Variants in PCDH15 observed in about 807,000 individuals in gnomAD.
The protein encoded by PCDH15 is protocadherin-15.
PCDH15 carries 129 observed loss-of-function variants against 178.5 expected under a neutral mutation model. The ratio of observed to expected loss-of-function variants is 0.72; its 90% CI spans 0.63 to 0.84. The LOEUF (loss-of-function observed/expected upper bound fraction) is 0.84. Ranked by LOEUF, PCDH15 falls within the 40% of genes least tolerant of loss-of-function variation. The pLI is 0.00. For synonymous variants in PCDH15, 800 were observed against 732.0 expected (o/e 1.09, Z -1.50); for missense variants, 2,230 against 2,099.9 (o/e 1.06, Z -1.21).
chr10:54,427,277 T>G (rs1474268407), intron 3 of PCDH15, among the ~76,000 whole-genome samples: 2 of 135,040 alleles, frequency 1.5e-5, no homozygotes, highest in Non-Finnish European at 3.2e-5. Flanking sequence ...TGGTTTTTTT[T>G]TTTTTTTTTT....
chr10:54,908,250 T>C (rs1420903095), intron 2 of PCDH15, among the ~76,000 whole-genome samples: 1 of 152,174 alleles, frequency 6.6e-6, no homozygotes, highest in Non-Finnish European at 1.5e-5. Flanking sequence ...GGTTCAGTTA[T>C]AGTGCATAGC....
chr10:54,211,781 C>G (rs2051467067), intron 10 of PCDH15, among the ~76,000 whole-genome samples: 1 of 151,798 alleles, frequency 6.6e-6, no homozygotes, highest in Non-Finnish European at 1.5e-5. Context: ...GAAAGATTTA[C>G]TATAGAGGAG....
intron 2 of PCDH15, among the ~76,000 whole-genome samples, chr10:55,118,703 A>C (rs928298653): frequency 6.6e-6 from 1 of 152,192 alleles, no homozygotes; most frequent in Non-Finnish European, 1.5e-5. Flanking sequence ...CAATAGGTTA[A>C]GGGTGAAGCC....
chr10:54,654,938 G>C (rs994166799), intron 2 of PCDH15: 3 of 152,198 alleles, frequency 2.0e-5, no homozygotes, highest in African/African-American at 4.8e-5. Flanking sequence ...TAGGCCAGGA[G>C]CGGTGGCTCA....
At chr10:55,259,028 G>A (rs750462812) in intron 1 of PCDH15, among the ~76,000 whole-genome samples, 1 of 151,966 alleles carries the variant, frequency 6.6e-6, no homozygotes, top group African/African-American at 2.4e-5. Flanking sequence ...AATTTCAATT[G>A]GTCAGGCAGA....
intron 1 of PCDH15, among the ~76,000 whole-genome samples, chr10:54,735,532 C>T (rs966512629): frequency 6.8e-6 from 1 of 147,150 alleles, no homozygotes; most frequent in African/African-American, 2.5e-5. Context: ...ACCCAAAGGA[C>T]TATAAATCAT....
Position 55,589,728 on chromosome 10 carries a change from G to C in PCDH15, c.-156+37897C>G, listed in dbSNP as rs577953468. On this transcript the variant is annotated intron_variant, in intron 2 of 5. Transcript: ENST00000613346. ...CATGAAAAAATGCTCATCATCACTG[G>C]CCATCAGAGAAATGCAAATCAAAAC... 4.4e-3 allele frequency among the ~76,000 whole-genome samples: 663 copies of C among 150,266 alleles called. 3 individuals carry two copies. The highest frequency in any genetic ancestry group is 0.013 in the African/African-American group (532 of 41,222).
At chr10:55,375,111 C>T (rs1845588583) in intron 2 of PCDH15, among the ~76,000 whole-genome samples, 1 of 152,050 alleles carries the variant, frequency 6.6e-6, no homozygotes, top group Non-Finnish European at 1.5e-5. Flanking sequence ...GACAAATGAC[C>T]TCTTTTGGTA....
chr10:53,835,371 T>G (rs1225128513), intron 29 of PCDH15, among the ~76,000 whole-genome samples: 1 of 152,214 alleles, frequency 6.6e-6, no homozygotes, highest in Non-Finnish European at 1.5e-5. Flanking sequence ...TATTTTTAAA[T>G]TTTAATTAAA....
At chr10:55,561,841 G>T (rs2132099826) in intron 2 of PCDH15, among the ~76,000 whole-genome samples, 1 of 151,914 alleles carries the variant, frequency 6.6e-6, no homozygotes, top group South Asian at 2.1e-4. Context: ...AATAAGAAAA[G>T]AACCCAATAT....
chr10:55,499,381 A>T (rs1305811458), intron 2 of PCDH15, among the ~76,000 whole-genome samples: 1 of 147,690 alleles, frequency 6.8e-6, no homozygotes, highest in East Asian at 2.0e-4. Context: ...AATTTAAACT[A>T]TCTTCTTTTT....
chr10:55,279,882 G>C (rs1592044849), intron 1 of PCDH15, among the ~76,000 whole-genome samples: 1 of 152,056 alleles, frequency 6.6e-6, no homozygotes, highest in Non-Finnish European at 1.5e-5. Context: ...CACAGTTTTC[G>C]ATTTTCTATA....
chr10:55,546,852 T>A (rs902293414), intron 2 of PCDH15, among the ~76,000 whole-genome samples: 8 of 151,834 alleles, frequency 5.3e-5, no homozygotes, highest in South Asian at 4.2e-4. Context: ...AACAAGAAAA[T>A]TTTTGGGAGA....
chr10:54,449,158 C>A (rs1212305635), intron 3 of PCDH15, among the ~76,000 whole-genome samples: 1 of 151,702 alleles, frequency 6.6e-6, no homozygotes, highest in African/African-American at 2.4e-5. Context: ...CCCTTAACCC[C>A]ATTAAATACC....
intron 2 of PCDH15, among the ~76,000 whole-genome samples, chr10:55,128,368 T>C (rs11004745): frequency 0.23 from 34,349 of 151,878 alleles, 4,159 homozygotes; most frequent in South Asian, 0.34. Context: ...AGCCTGTTTG[T>C]TTTCTAGTAG....
chr10:55,070,659 A>G (rs1405007087), intron 2 of PCDH15, among the ~76,000 whole-genome samples: 1 of 152,134 alleles, frequency 6.6e-6, no homozygotes, highest in African/African-American at 2.4e-5. Flanking sequence ...TACCAGTACC[A>G]TGCTGTTTTG....
intron 3 of PCDH15, among the ~76,000 whole-genome samples, chr10:54,477,670 C>T (rs1271236656): frequency 2.0e-5 from 3 of 152,202 alleles, no homozygotes; most frequent in Non-Finnish European, 2.9e-5. Context: ...AATCTTGGCT[C>T]ACTGCAGCCT....
At chr10:55,179,803 G>A (rs1163277990) in intron 1 of PCDH15, among the ~76,000 whole-genome samples, 2 of 151,870 alleles carry the variant, frequency 1.3e-5, no homozygotes, top group Non-Finnish European at 2.9e-5. Context: ...TAAAAGAGCT[G>A]TAACACTCTC....
At chr10:53,886,977 C>T (rs1206028720) in intron 26 of PCDH15, among the ~76,000 whole-genome samples, 2 of 152,090 alleles carry the variant, frequency 1.3e-5, no homozygotes, top group Non-Finnish European at 2.9e-5. Flanking sequence ...TCTGTGCTTA[C>T]GTTTTTGAAG....
Sources: gnomAD v4.1 joint callset for allele counts (sites outside exome capture counted in the v4.1 genomes callset) on GRCh38, gnomAD v4.1.1 for gene constraint, MANE v1.5 for transcripts, NCBI Gene and HGNC (gene_info 2026-07-23, HGNC 2026-07-21) for gene names.